TAFA2: variants seen among roughly 807,000 people sequenced by gnomAD.
TAFA2 encodes chemokine-like protein TAFA-2.
TAFA2 carries 7 observed loss-of-function variants against 18.8 expected under a neutral mutation model. The observed-to-expected ratio is 0.37, with a 90% CI of 0.21 to 0.70. The LOEUF (loss-of-function observed/expected upper bound fraction) is 0.70, where lower values mean the gene tolerates loss of function less well. TAFA2 is among the 30% of genes least tolerant of loss of function. TAFA2 has a pLI of 0.53. For synonymous variants in TAFA2, 60 were observed against 54.2 expected (o/e 1.11, Z -0.47); for missense variants, 122 against 158.1 (o/e 0.77, Z 1.23).
chr12:61,717,220 T>C (rs1010597330), intron 4 of TAFA2, among the ~76,000 whole-genome samples: 1 of 152,202 alleles, frequency 6.6e-6, no homozygotes, highest in African/African-American at 2.4e-5. Flanking sequence ...TGAATGCACT[T>C]GTCATATCTT....
intron 4 of TAFA2, among the ~76,000 whole-genome samples, chr12:61,734,599 G>T (rs1868273811): frequency 6.6e-6 from 1 of 151,988 alleles, no homozygotes; most frequent in African/African-American, 2.4e-5. Context: ...TGGCAAACTT[G>T]TTTGAAATGT....
intron 1 of TAFA2, among the ~76,000 whole-genome samples, chr12:62,106,554 A>G (rs1006540470): frequency 6.6e-6 from 1 of 152,162 alleles, no homozygotes; most frequent in African/African-American, 2.4e-5. Flanking sequence ...TGTCAATTCT[A>G]AAATCTGCCC....
chr12:61,883,518 G>A (rs1172733335), intron 1 of TAFA2, among the ~76,000 whole-genome samples: 2 of 152,158 alleles, frequency 1.3e-5, no homozygotes, highest in Non-Finnish European at 2.9e-5. Context: ...ATAAGGGATA[G>A]GTCAGCAAGC....
intron 1 of TAFA2, among the ~76,000 whole-genome samples, chr12:61,957,994 C>T (rs1048603130): frequency 6.6e-6 from 1 of 152,060 alleles, no homozygotes; most frequent in Non-Finnish European, 1.5e-5. Flanking sequence ...CTCCAACCTC[C>T]ATCTACAATA....
chr12:62,255,956 G>C (rs1395479518), intron 1 of TAFA2, among the ~76,000 whole-genome samples: 1 of 151,454 alleles, frequency 6.6e-6, no homozygotes, highest in East Asian at 2.0e-4. Flanking sequence ...CAGCTTTCTA[G>C]TACACTTTAT....
intron 4 of TAFA2, among the ~76,000 whole-genome samples, chr12:61,728,663 G>T (rs1364771562): frequency 7.1e-6 from 1 of 141,476 alleles, no homozygotes; most frequent in Non-Finnish European, 1.6e-5. Context: ...ATACTTGGTT[G>T]GTGACTTCTA....
At position 62,126,664 on chromosome 12, in the gene TAFA2, A is replaced by G. The variant is rs151204543; in HGVS notation, c.-2+64595T>C. On this transcript the variant is annotated intron_variant, in intron 1 of 4. Coordinates refer to ENST00000416284, the MANE Select transcript of TAFA2 (RefSeq NM_178539.5). Reference sequence around the variant, plus strand: ...TGAGAGAATCAAGGTATGAAACAGCATAGTATGAATGCATAAGTATAAACG... The same window carrying G: ...TGAGAGAATCAAGGTATGAAACAGCGTAGTATGAATGCATAAGTATAAACG... Among the ~76,000 whole-genome samples, 478 of 152,176 alleles carry G rather than the reference A, an allele frequency of 3.1e-3. 4 individuals carry two copies. The highest frequency in any genetic ancestry group is 0.01 in the African/African-American group (433 of 41,524).
intron 2 of TAFA2, among the ~76,000 whole-genome samples, chr12:61,795,778 TAAAAAG>T (rs1565636702): frequency 6.8e-6 from 1 of 147,014 alleles, no homozygotes; most frequent in Non-Finnish European, 1.5e-5. Flanking sequence ...AATAAATAAA[TAAAAAG>T]AAAAAGAAAA....
At chr12:61,883,303 G>A (rs548181044) in intron 1 of TAFA2, among the ~76,000 whole-genome samples, 22 of 152,302 alleles carry the variant, frequency 1.4e-4, no homozygotes, top group African/African-American at 5.1e-4. Flanking sequence ...CACTTAGCCT[G>A]AAACCACAGA....
intron 1 of TAFA2, among the ~76,000 whole-genome samples, chr12:61,957,347 G>A (rs949673905): frequency 1.3e-5 from 2 of 152,132 alleles, no homozygotes; most frequent in Non-Finnish European, 2.9e-5. Flanking sequence ...ATATAGGACA[G>A]AGATTGGGCT....
chr12:61,753,851 G>A, intron 3 of TAFA2, 105 bp from the exon 4 acceptor site: 1 of 918,722 alleles, frequency 1.1e-6, no homozygotes, highest in Non-Finnish European at 1.6e-6. Context: ...CTACCAGTGG[G>A]AATACAGGTA....
intron 1 of TAFA2, among the ~76,000 whole-genome samples, chr12:62,123,688 CACACACACACACACA>C (rs1870314753): frequency 0.014 from 9 of 626 alleles, no homozygotes; most frequent in South Asian, 0.2. Flanking sequence ...CCCTCTCTCT[CACACACACACACACA>C]TACATTCTGA....
At chr12:61,929,532 T>C (rs1316043554) in intron 1 of TAFA2, among the ~76,000 whole-genome samples, 2 of 151,978 alleles carry the variant, frequency 1.3e-5, no homozygotes, top group African/African-American at 4.8e-5. Flanking sequence ...TGGGGAGAAA[T>C]AGGAACGTTT....
At chr12:61,937,435 T>A (rs575922882) in intron 1 of TAFA2, among the ~76,000 whole-genome samples, 2 of 152,224 alleles carry the variant, frequency 1.3e-5, no homozygotes, top group South Asian at 4.1e-4. Flanking sequence ...CAAAACAGTA[T>A]AACACTGGTA....
intron 1 of TAFA2, among the ~76,000 whole-genome samples, chr12:62,173,017 A>C (rs2062488934): frequency 6.6e-6 from 1 of 152,182 alleles, no homozygotes. Flanking sequence ...GAATACATGA[A>C]CTAATATATT....
intron 2 of TAFA2, among the ~76,000 whole-genome samples, chr12:61,814,224 A>G (rs780523962): frequency 1.3e-5 from 2 of 151,352 alleles, no homozygotes; most frequent in African/African-American, 2.5e-5. Flanking sequence ...GAGGGAGTAA[A>G]AAGTGCTAGG....
intron 2 of TAFA2, among the ~76,000 whole-genome samples, chr12:61,761,354 A>C (rs559499312): frequency 6.6e-6 from 1 of 152,070 alleles, no homozygotes; most frequent in Non-Finnish European, 1.5e-5. Context: ...TATATACATA[A>C]TATGGTCACA....
intron 2 of TAFA2, among the ~76,000 whole-genome samples, chr12:61,863,457 C>A (rs1874212142): frequency 6.6e-6 from 1 of 152,046 alleles, no homozygotes; most frequent in East Asian, 1.9e-4. Flanking sequence ...GGAAAGCCTC[C>A]TACATGAGTA....
At chr12:61,804,091 T>C (rs1459416530) in intron 2 of TAFA2, among the ~76,000 whole-genome samples, 5 of 151,950 alleles carry the variant, frequency 3.3e-5, no homozygotes, top group African/African-American at 1.2e-4. Context: ...TAGTCAAAAT[T>C]CTTATCTTCA....
Sources: gnomAD v4.1 joint callset for allele counts (sites outside exome capture counted in the v4.1 genomes callset) on GRCh38, gnomAD v4.1.1 for gene constraint, MANE v1.5 for transcripts, NCBI Gene and HGNC (gene_info 2026-07-23, HGNC 2026-07-21) for gene names.